ZFHX3: variants seen among roughly 807,000 people sequenced by gnomAD.
ZFHX3 encodes zinc finger homeobox protein 3.
A neutral mutation model predicts 279.1 loss-of-function variants in ZFHX3; 42 were observed. The observed-to-expected ratio is 0.15, with a 90% CI of 0.12 to 0.19. The LOEUF is 0.19. Among genes scored for constraint, ZFHX3 ranks in the 10% least tolerant of loss-of-function variants. The probability of loss-of-function intolerance (pLI) is 1.00; values close to 1 mark genes in which losing one functional copy is unlikely to be tolerated. For missense variants in ZFHX3, 4,981 were observed against 4,754.0 expected (o/e 1.05, Z -1.40); for synonymous variants, 2,293 against 1,957.8 (o/e 1.17, Z -4.52).
intron 1 of ZFHX3, among the ~76,000 whole-genome samples, chr16:73,820,101 T>C (rs963234221): frequency 1.3e-5 from 2 of 152,114 alleles, no homozygotes; most frequent in African/African-American, 4.8e-5. Context: ...AGTAAGTCTT[T>C]TTTTTTGAGA....
intron 3 of ZFHX3, among the ~76,000 whole-genome samples, chr16:73,345,273 T>A (rs1194816495): frequency 1.3e-5 from 2 of 152,150 alleles, no homozygotes; most frequent in Non-Finnish European, 2.9e-5. Flanking sequence ...ATGTGCAGGA[T>A]GTGCAGGTTT....
chr16:73,876,373 G>T (rs1233140304), intron 1 of ZFHX3, among the ~76,000 whole-genome samples: 1 of 152,176 alleles, frequency 6.6e-6, no homozygotes, highest in Non-Finnish European at 1.5e-5. Flanking sequence ...TTAACACGAT[G>T]ACCATCTGTA....
chr16:73,871,728 C>T (rs2029862601), intron 1 of ZFHX3, among the ~76,000 whole-genome samples: 1 of 151,866 alleles, frequency 6.6e-6, no homozygotes, highest in South Asian at 2.1e-4. Context: ...CTCATCAATC[C>T]CTCTTTAAAA....
chr16:73,324,758 T>C (rs1424294311), intron 3 of ZFHX3, among the ~76,000 whole-genome samples: 2 of 152,082 alleles, frequency 1.3e-5, no homozygotes, highest in Non-Finnish European at 2.9e-5. Flanking sequence ...CTGGCAGGAG[T>C]TATAGAACTT....
At chr16:73,235,962 C>T (rs1248303415) in intron 5 of ZFHX3, among the ~76,000 whole-genome samples, 2 of 152,216 alleles carry the variant, frequency 1.3e-5, no homozygotes, top group East Asian at 1.9e-4. Context: ...TGAGCCATTG[C>T]ACCTGGCCCA....
chr16:73,261,046 C>T (rs1173897566), intron 4 of ZFHX3, among the ~76,000 whole-genome samples: 2 of 152,160 alleles, frequency 1.3e-5, no homozygotes, highest in Non-Finnish European at 2.9e-5. Context: ...GATATGCCCA[C>T]ACACTTGTTA....
At chr16:73,578,134 T>A (rs2051820200) in intron 2 of ZFHX3, among the ~76,000 whole-genome samples, 1 of 152,194 alleles carries the variant, frequency 6.6e-6, no homozygotes, top group Non-Finnish European at 1.5e-5. Context: ...CCAAGATTAT[T>A]TTTTTAAACA....
At chr16:73,490,985 G>A (rs1288428036) in intron 2 of ZFHX3, among the ~76,000 whole-genome samples, 1 of 152,200 alleles carries the variant, frequency 6.6e-6, no homozygotes, top group African/African-American at 2.4e-5. Context: ...TCTGTTGGGT[G>A]CAGTTTTTAT....
intron 7 of ZFHX3, among the ~76,000 whole-genome samples, chr16:73,117,015 A>G (rs1966440200): frequency 6.6e-6 from 1 of 152,206 alleles, no homozygotes; most frequent in Admixed American, 6.5e-5. Flanking sequence ...TGCCTACCCA[A>G]GGCTATTGTC....
At chr16:73,879,892 A>C (rs1003007140) in intron 1 of ZFHX3, among the ~76,000 whole-genome samples, 2 of 152,210 alleles carry the variant, frequency 1.3e-5, no homozygotes, top group South Asian at 4.1e-4. Context: ...CCCCTGGGGA[A>C]GGAGGGGGGC....
In ZFHX3 at chr16:73,124,463, G is replaced by A. The variant is rs538755333; in HGVS notation, c.-897+6505C>T. Among the ~76,000 whole-genome samples the A allele has an allele frequency of 3.5e-4, 53 of 152,238 alleles. 1 individual carries two copies. Among genetic ancestry groups the A allele is most frequent in the Middle Eastern group, 6.8e-3 (2 of 294 alleles). ...CACCTCCTGATATCATCACATTGAGGATTAGGTTTCAACATTCAGACCATA... is the reference window on the plus strand; with the variant it reads ...CACCTCCTGATATCATCACATTGAGAATTAGGTTTCAACATTCAGACCATA... On this transcript the variant is annotated intron_variant, in intron 7 of 17. Transcript: ENST00000641206.
At chr16:73,615,844 A>T (rs1315201263) in intron 2 of ZFHX3, among the ~76,000 whole-genome samples, 1 of 152,152 alleles carries the variant, frequency 6.6e-6, no homozygotes, top group East Asian at 1.9e-4. Flanking sequence ...ACAAATTGTA[A>T]CCGTTCACTC....
chr16:72,800,003 G>C (rs373322487), intron 8 of ZFHX3, 24 bp downstream of exon 8: 2 of 1,601,138 alleles, frequency 1.2e-6, no homozygotes, highest in South Asian at 2.2e-5. Context: ...TCAATTTCTT[G>C]GGGTCAAGAA....
chr16:73,363,620 AAC>A (rs1018821586), intron 3 of ZFHX3, among the ~76,000 whole-genome samples: 1 of 152,198 alleles, frequency 6.6e-6, no homozygotes, highest in African/African-American at 2.4e-5. Context: ...AGAAAGGAAA[AAC>A]ACAATTAAAC....
intron 8 of ZFHX3, 93 bp from the exon 9 acceptor site, chr16:72,798,807 G>T: frequency 6.8e-7 from 1 of 1,463,906 alleles, no homozygotes; most frequent in Non-Finnish European, 9.0e-7. Flanking sequence ...CAGGCCTCAT[G>T]AACACAGAAT....
chr16:72,950,824 G>A lies in ZFHX3; in HGVS notation c.2861C>T (p.Thr954Met), dbSNP rs879236303. The A allele has an allele frequency of 1.4e-5, 23 of 1,614,034 alleles. No individual in the cohort carries two copies. Among genetic ancestry groups the A allele is most frequent in the South Asian group, 5.5e-5 (5 of 91,088 alleles). ...GCCCAGCATGTCCAGGTTGTCCGTC[G>A]TGAACTTGTTGCAGACGGCGCACTG... ...LFQCAVCNKFTTDNLDMLGLH... is the reference protein window; with the variant it reads ...LFQCAVCNKFMTDNLDMLGLH... The change falls in exon 3 of 10, where the codon ACG (threonine) becomes ATG (methionine). Residue 954 changes from threonine to methionine, a missense_variant. Around this residue, in one of 7 missense-constraint regions of ZFHX3, gnomAD observed 1,751 missense variants for 1,770.0 expected, o/e 0.99. Coordinates refer to ENST00000268489, the MANE Select transcript of ZFHX3 (RefSeq NM_006885.4).
intron 5 of ZFHX3, among the ~76,000 whole-genome samples, chr16:73,157,789 C>T (rs374293874): frequency 4.6e-5 from 7 of 152,200 alleles, no homozygotes; most frequent in South Asian, 4.1e-4. Context: ...TATAACGCCA[C>T]GAGGTTTGCT....
At chr16:73,103,145 G>A (rs1966252022) in intron 7 of ZFHX3, among the ~76,000 whole-genome samples, 1 of 152,024 alleles carries the variant, frequency 6.6e-6, no homozygotes, top group Admixed American at 6.6e-5. Context: ...AGCTGGTCTC[G>A]AACTCCTGAC....
chr16:73,433,949 A>G (rs998580071), intron 3 of ZFHX3, among the ~76,000 whole-genome samples: 4 of 152,046 alleles, frequency 2.6e-5, no homozygotes, highest in African/African-American at 9.7e-5. Context: ...AAGCCTTCAG[A>G]CCCCACAGGT....
Sources: allele counts gnomAD v4.1 joint callset (sites outside exome capture counted in the v4.1 genomes callset), GRCh38; gene constraint gnomAD v4.1.1; regional missense constraint gnomAD v4.1.1; transcripts MANE v1.5; gene names NCBI Gene and HGNC (gene_info 2026-07-23, HGNC 2026-07-21).